ZNF516: variants seen among roughly 807,000 people sequenced by gnomAD.
ZNF516 encodes zinc finger protein 516.
A neutral mutation model predicts 79.7 loss-of-function variants in ZNF516; 19 were observed. The ratio of observed to expected loss-of-function variants is 0.24; its 90% CI spans 0.17 to 0.35. The LOEUF is 0.35. Among genes scored for constraint, ZNF516 ranks in the 10% least tolerant of loss-of-function variants. ZNF516 has a pLI of 1.00. For missense variants in ZNF516, 1,678 were observed against 1,679.5 expected, an observed-to-expected ratio of 1.00 and a Z score of 0.02; for synonymous variants, 877 against 739.5, an observed-to-expected ratio of 1.19 and a Z score of -3.02.
chr18:76,364,657 G>T (rs2074586974), intron 6 of ZNF516, among the ~76,000 whole-genome samples: 2 of 152,176 alleles, frequency 1.3e-5, no homozygotes, highest in Non-Finnish European at 1.5e-5. Context: ...ATGTAGTGGT[G>T]GGTGTGGATC....
In ZNF516 at chr18:76,379,052, C is replaced by T; in HGVS notation, c.3062G>A (p.Arg1021Lys). The change falls in exon 4 of 7, where the codon AGG (arginine) becomes AAG (lysine). Residue 1021 changes from arginine (R) to lysine (K), a missense_variant. Arg to Lys is a conservative substitution (Grantham distance 26). This residue lies in a region of ZNF516 where 1,294 missense variants were observed against 1,248.3 expected (regional missense o/e 1.04). Transcript: ENST00000443185. ...CTGGGCCTGCAAGGCCGCGTCGCCC[C>T]TGGACCCCGCAGCACAGGTGGCCAG... The part of the protein sequence containing the change: ...RTLATCAAGS[R>K]GDAALQAQPG... 1 of 1,610,708 alleles carries T rather than the reference C, an allele frequency of 6.2e-7. No individual in the cohort carries two copies. Among genetic ancestry groups the T allele is most frequent in the Non-Finnish European group, 8.5e-7 (1 of 1,179,476 alleles).
chr18:76,391,471 C>T (rs1479743574), intron 3 of ZNF516, among the ~76,000 whole-genome samples: 1 of 152,144 alleles, frequency 6.6e-6, no homozygotes, highest in Non-Finnish European at 1.5e-5. Context: ...TAACCCCTTA[C>T]CCAACTCTAA....
Position 76,424,755 on chromosome 18 carries a change from C to T in ZNF516, c.1810+16490G>A, listed in dbSNP as rs367736987. ...CACACATGCAGGTGAAAAGGCTCCC[C>T]CAAAACACACGCAGGTGAAAAGGTT... is the stretch of plus-strand genomic sequence containing the variant. On this transcript the variant is annotated intron_variant, in intron 3 of 6. Coordinates refer to ENST00000443185, the MANE Select transcript of ZNF516 (RefSeq NM_014643.4). Among the ~76,000 whole-genome samples, 10 of 135,824 alleles carry T rather than the reference C, an allele frequency of 7.4e-5. No individual in the cohort carries two copies. In the East Asian group the frequency reaches 2.0e-3, roughly 27 times the overall value. 89.1% of individuals were successfully genotyped at this position (135,824 alleles called of 152,430 possible). A position where few individuals can be genotyped will look rare whatever the true frequency, so the allele number is the denominator to read the frequency against.
At position 76,396,296 on chromosome 18, in the gene ZNF516, A is replaced by C. The variant is rs370741111; in HGVS notation, c.1811-15993T>G. On this transcript the variant is annotated intron_variant, in intron 3 of 6. Transcript: ENST00000443185. ...AAATAGGTATTTGTGATATAAAAGC[A>C]AACAGCCTCTATCCAAATGACACTG... Among the ~76,000 whole-genome samples the C allele has an allele frequency of 3.3e-5, 5 of 152,284 alleles. 1 individual carries two copies. The highest frequency in any genetic ancestry group is 6.5e-5 in the Admixed American group (1 of 15,300).
chr18:76,464,203 T>C (rs776091320), intron 1 of ZNF516, among the ~76,000 whole-genome samples: 2 of 152,132 alleles, frequency 1.3e-5, no homozygotes, highest in African/African-American at 2.4e-5. Context: ...AAATTTTTAA[T>C]GTACTAAAGG....
chr18:76,396,758 TG>T (rs1299149162), intron 3 of ZNF516, among the ~76,000 whole-genome samples: 1 of 151,836 alleles, frequency 6.6e-6, no homozygotes, highest in African/African-American at 2.4e-5. Context: ...GCAGGCAGAG[TG>T]GTTCTCCAAA....
At chr18:76,399,415 T>C (rs1436044505) in intron 3 of ZNF516, among the ~76,000 whole-genome samples, 3 of 152,226 alleles carry the variant, frequency 2.0e-5, no homozygotes, top group Non-Finnish European at 4.4e-5. Context: ...TAGACGGAAT[T>C]AAGCAAACTA....
At chr18:76,490,975 G>A in intron 1 of ZNF516, 1 of 985,320 alleles carries the variant, frequency 1.0e-6, no homozygotes, top group Non-Finnish European at 1.2e-6. Context: ...AAACCCCCAC[G>A]CAGCAGCCCC....
At chr18:76,380,990 C>T (rs1374345980) in intron 3 of ZNF516, among the ~76,000 whole-genome samples, 1 of 152,262 alleles carries the variant, frequency 6.6e-6, no homozygotes, top group South Asian at 2.1e-4. Context: ...CACCTGCCGG[C>T]TGCCCAGGAG....
Position 76,493,282 on chromosome 18 carries a change from G to A in ZNF516, c.-272+1862C>T. ...AAGGGAAATTCACGAAGGGAGTGGA[G>A]GCGGAAAGGGAGCTCCGAGAAAGAA... On this transcript the variant is annotated intron_variant, in intron 1 of 6. Coordinates refer to ENST00000443185, the MANE Select transcript of ZNF516 (RefSeq NM_014643.4). The surrounding 1 kb of genome is among the most constrained non-coding windows in gnomAD (Gnocchi z 5.2). 1 of 660,086 alleles carries A rather than the reference G, an allele frequency of 1.5e-6. No individual in the cohort carries two copies. The allele number at this position is 660,086 out of a possible 1,614,324, so 40.9% of individuals were successfully genotyped here.
At chr18:76,452,780 C>T (rs1159886808) in intron 2 of ZNF516, among the ~76,000 whole-genome samples, 1 of 152,086 alleles carries the variant, frequency 6.6e-6, no homozygotes, top group African/African-American at 2.4e-5. Context: ...GAAATATGAC[C>T]TGGGGGAGGA....
At chr18:76,461,486 G>A (rs1052154137) in intron 2 of ZNF516, among the ~76,000 whole-genome samples, 4 of 152,202 alleles carry the variant, frequency 2.6e-5, no homozygotes, top group African/African-American at 7.2e-5. Context: ...TACACCACTT[G>A]AGAAGCCCTG....
intron 2 of ZNF516, among the ~76,000 whole-genome samples, chr18:76,455,592 C>A (rs182702506): frequency 6.6e-6 from 1 of 152,302 alleles, no homozygotes; most frequent in Admixed American, 6.5e-5. Context: ...CCCCTGGCAG[C>A]CCAGGCTTGT....
chr18:76,488,231 G>A (rs1447511287), intron 1 of ZNF516: 23 of 985,232 alleles, frequency 2.3e-5, no homozygotes, highest in African/African-American at 3.5e-5. Flanking sequence ...AGTAGGGGCC[G>A]CTTCCAAGGC....
chr18:76,379,085 AGCTCCTGGGCTGCCTTCGAGGG>A lies in ZNF516; in HGVS notation c.3007_3028del (p.Pro1003Ter), dbSNP rs2074840616. On this transcript the variant is annotated frameshift_variant, in exon 4 of 7. Coordinates refer to ENST00000443185, the MANE Select transcript of ZNF516 (RefSeq NM_014643.4). LOFTEE classifies it high-confidence loss of function. ...CGCAGCACAGGTGGCCAGAGTCCTC[AGCTCCTGGGCTGCCTTCGAGGG>A]GGGCTCGCGGGGAGGTAGAGGAGGA... is the stretch of plus-strand genomic sequence containing the variant. The A allele has an allele frequency of 6.2e-7, 1 of 1,611,120 alleles. No homozygotes were observed. Among genetic ancestry groups the A allele is most frequent in the Non-Finnish European group, 8.5e-7 (1 of 1,179,624 alleles).
rs78892473 is a variant in ZNF516, at chr18:76,415,725, T to A, written c.1810+25520A>T. On this transcript the variant is annotated intron_variant, in intron 3 of 6. Transcript: ENST00000443185. ...AAGCTTACTGCAAATTGCATCTCTC[T>A]CACTTCAACTGCATAGAGAAACCGG... Among the ~76,000 whole-genome samples the A allele has an allele frequency of 2.6e-3, 401 of 152,294 alleles. 1 individual carries two copies. The highest frequency in any genetic ancestry group is 8.9e-3 in the African/African-American group (370 of 41,556).
rs558335511 is a variant in ZNF516, at chr18:76,474,416, C to T, written c.-271-11275G>A. Among the ~76,000 whole-genome samples, 4 of 152,220 alleles carry T rather than the reference C, an allele frequency of 2.6e-5. No individual in the cohort carries two copies. The South Asian group carries it at 8.3e-4, about 32-fold the overall frequency. ...ACAGTACCATGACACTAAAAATTAA[C>T]AAGCAAAAACAAAAACAACACTCAT... On this transcript the variant is annotated intron_variant, in intron 1 of 6. Transcript: ENST00000443185.
At position 76,470,846 on chromosome 18, in the gene ZNF516, C is replaced by T. The variant is rs1202677603; in HGVS notation, c.-271-7705G>A. Among the ~76,000 whole-genome samples the T allele has an allele frequency of 2.6e-5, 4 of 152,134 alleles. No individual in the cohort carries two copies. The East Asian group carries it at 7.7e-4, about 29-fold the overall frequency. ...TGGCTAACACAGGGAAACCCCGTCTCTACTAAAAAATGCAACAAAAGTTAG... is the reference window on the plus strand; with the variant it reads ...TGGCTAACACAGGGAAACCCCGTCTTTACTAAAAAATGCAACAAAAGTTAG... On this transcript the variant is annotated intron_variant, in intron 1 of 6. Transcript: ENST00000443185.
chr18:76,421,612 A>C (rs1224193085), intron 3 of ZNF516, among the ~76,000 whole-genome samples: 3 of 152,198 alleles, frequency 2.0e-5, no homozygotes. Flanking sequence ...ATTCCACACT[A>C]AGTTCCTGGA....
Sources: allele counts gnomAD v4.1 joint callset (sites outside exome capture counted in the v4.1 genomes callset), GRCh38; gene constraint gnomAD v4.1.1; regional missense constraint gnomAD v4.1.1; non-coding constraint Gnocchi (gnomAD v3.1); transcripts MANE v1.5; gene names NCBI Gene and HGNC (gene_info 2026-07-23, HGNC 2026-07-21).